PARN: variants seen among roughly 807,000 people sequenced by gnomAD.
PARN encodes poly(A)-specific ribonuclease PARN.
PARN carries 71 observed loss-of-function variants against 102.8 expected under a neutral mutation model. The observed-to-expected ratio is 0.69, with a 90% CI of 0.57 to 0.84. The LOEUF (loss-of-function observed/expected upper bound fraction) is 0.84, where lower values mean the gene tolerates loss of function less well. PARN is among the 40% of genes least tolerant of loss of function. The pLI is 0.00. For synonymous variants in PARN, 261 were observed against 252.9 expected (o/e 1.03, Z -0.30); for missense variants, 782 against 760.9 (o/e 1.03, Z -0.33).
chr16:14,553,656 C>A (rs1055527688), intron 20 of PARN, among the ~76,000 whole-genome samples: 1 of 152,212 alleles, frequency 6.6e-6, no homozygotes, highest in Non-Finnish European at 1.5e-5. Context: ...ACCTCATACA[C>A]GTATCACAAA....
At chr16:14,585,721 A>G (rs1263853083) in intron 14 of PARN, among the ~76,000 whole-genome samples, 1 of 152,218 alleles carries the variant, frequency 6.6e-6, no homozygotes, top group African/African-American at 2.4e-5. Flanking sequence ...CCTACATGCA[A>G]GACAGACAAG....
chr16:14,605,933 C>T (rs1971150205), intron 10 of PARN, among the ~76,000 whole-genome samples: 2 of 152,142 alleles, frequency 1.3e-5, no homozygotes, highest in South Asian at 4.1e-4. Context: ...GTTTACAAGG[C>T]ATCACTTCCA....
intron 21 of PARN, among the ~76,000 whole-genome samples, chr16:14,505,711 T>A (rs1964859492): frequency 6.6e-6 from 1 of 152,212 alleles, no homozygotes; most frequent in Non-Finnish European, 1.5e-5. Flanking sequence ...GATGTAGGTG[T>A]ACTTATAAAT....
At chr16:14,508,499 G>A (rs1965013478) in intron 21 of PARN, among the ~76,000 whole-genome samples, 1 of 152,096 alleles carries the variant, frequency 6.6e-6, no homozygotes, top group Non-Finnish European at 1.5e-5. Context: ...TGATTTAGAG[G>A]ATCTAAAAAG....
chr16:14,447,620 T>C (rs1961260557), intron 22 of PARN, among the ~76,000 whole-genome samples: 1 of 152,252 alleles, frequency 6.6e-6, no homozygotes, highest in Non-Finnish European at 1.5e-5. Flanking sequence ...TTGTTAAATG[T>C]ATAATTAAAT....
At chr16:14,452,238 T>C (rs1271054495) in intron 22 of PARN, among the ~76,000 whole-genome samples, 1 of 152,224 alleles carries the variant, frequency 6.6e-6, no homozygotes, top group African/African-American at 2.4e-5. Flanking sequence ...CATGCATTTG[T>C]AATGCTCCTC....
At chr16:14,495,270 C>T (rs141613890) in intron 21 of PARN, among the ~76,000 whole-genome samples, 3 of 152,074 alleles carry the variant, frequency 2.0e-5, no homozygotes, top group Non-Finnish European at 4.4e-5. Flanking sequence ...GAGGATCACT[C>T]GAGTTCACGG....
chr16:14,577,912 C>T (rs1267146183), intron 18 of PARN, among the ~76,000 whole-genome samples: 2 of 151,846 alleles, frequency 1.3e-5, no homozygotes, highest in African/African-American at 2.4e-5. Context: ...AGGTGATCCG[C>T]CCGCCTCAGC....
intron 21 of PARN, among the ~76,000 whole-genome samples, chr16:14,529,636 A>G (rs1438332582): frequency 1.3e-5 from 2 of 152,154 alleles, no homozygotes; most frequent in African/African-American, 4.8e-5. Flanking sequence ...TGCTGTTCAC[A>G]AAGTCCAAAT....
chr16:14,589,088 G>C (rs1567420311), intron 13 of PARN, among the ~76,000 whole-genome samples: 1 of 151,720 alleles, frequency 6.6e-6, no homozygotes, highest in Non-Finnish European at 1.5e-5. Flanking sequence ...GCTAAGGCAG[G>C]AGAATCGCTT....
intron 18 of PARN, among the ~76,000 whole-genome samples, chr16:14,572,615 T>C (rs1270852630): frequency 2.0e-5 from 3 of 152,200 alleles, no homozygotes; most frequent in Admixed American, 6.5e-5. Flanking sequence ...GTTATATTCA[T>C]TTCAAAAACA....
chr16:14,575,663 T>C (rs1240523562), intron 18 of PARN, among the ~76,000 whole-genome samples: 1 of 152,170 alleles, frequency 6.6e-6, no homozygotes, highest in Non-Finnish European at 1.5e-5. Flanking sequence ...TTGATTCAAA[T>C]GAGAGTTTGG....
intron 13 of PARN, among the ~76,000 whole-genome samples, chr16:14,587,641 T>G (rs924094319): frequency 2.6e-5 from 4 of 152,190 alleles, no homozygotes; most frequent in Non-Finnish European, 5.9e-5. Context: ...GCCTTCTAAT[T>G]TATTAGGCTT....
intron 5 of PARN, among the ~76,000 whole-genome samples, chr16:14,625,985 C>T (rs1972627266): frequency 6.6e-6 from 1 of 152,198 alleles, no homozygotes; most frequent in Admixed American, 6.5e-5. Context: ...AGAAAGGAAA[C>T]AGTGATATTT....
At chr16:14,530,115 C>T (rs1966241331) in intron 21 of PARN, among the ~76,000 whole-genome samples, 1 of 152,212 alleles carries the variant, frequency 6.6e-6, no homozygotes, top group Non-Finnish European at 1.5e-5. Flanking sequence ...CCTGCTCCCT[C>T]AAGGAGAGCC....
At chr16:14,593,868 A>G (rs1009610052) in intron 12 of PARN, among the ~76,000 whole-genome samples, 1 of 151,908 alleles carries the variant, frequency 6.6e-6, no homozygotes, top group Non-Finnish European at 1.5e-5. Flanking sequence ...GCGGTGGTGC[A>G]TGCCTATAAC....
At chr16:14,532,147 T>C (rs1966371781) in intron 21 of PARN, among the ~76,000 whole-genome samples, 1 of 151,874 alleles carries the variant, frequency 6.6e-6, no homozygotes, top group African/African-American at 2.4e-5. Flanking sequence ...CAGCAAAGTT[T>C]ATACAAGGCA....
intron 22 of PARN, among the ~76,000 whole-genome samples, chr16:14,477,776 G>A (rs767478561): frequency 7.3e-5 from 11 of 151,460 alleles, no homozygotes; most frequent in Non-Finnish European, 1.0e-4. Context: ...AGACTCCGTC[G>A]GAAAGGGAAA....
At chr16:14,447,142 T>A in intron 22 of PARN, 61 bp from the exon 23 acceptor site, 2 of 1,148,242 alleles carry the variant, frequency 1.7e-6, no homozygotes, top group Non-Finnish European at 2.5e-6. Flanking sequence ...GACTAGTCTA[T>A]AAAAATATTT....
Sources: gnomAD v4.1 joint callset for allele counts (sites outside exome capture counted in the v4.1 genomes callset) on GRCh38, gnomAD v4.1.1 for gene constraint, MANE v1.5 for transcripts, NCBI Gene and HGNC (gene_info 2026-07-23, HGNC 2026-07-21) for gene names.